Variants in ZNF564 observed in about 807,000 individuals in gnomAD.
The protein encoded by ZNF564 is zinc finger protein 564.
Under a neutral mutation model 10.5 loss-of-function variants are expected in ZNF564, and 5 were observed. That is an observed-to-expected ratio of 0.48 (90% confidence interval 0.25 to 1.00). The LOEUF is 1.00. ZNF564 is among the 50% of genes least tolerant of loss of function. ZNF564 has a pLI of 0.16. For missense variants in ZNF564, 603 were observed against 669.7 expected, an observed-to-expected ratio of 0.90 and a Z score of 1.10; for synonymous variants, 242 against 218.1, an observed-to-expected ratio of 1.11 and a Z score of -0.97.
chr19:12,546,411 C>T (rs866328222), intron 1 of ZNF564, among the ~76,000 whole-genome samples: 35 of 152,196 alleles, frequency 2.3e-4, no homozygotes, highest in African/African-American at 8.0e-4. Context: ...CTAATTTAGA[C>T]GTCCTTTATT....
intron 1 of ZNF564, chr19:12,548,859 T>C (rs550704252): frequency 1.0e-5 from 7 of 701,564 alleles, no homozygotes; most frequent in Admixed American, 2.0e-5. Context: ...ACAAAATCTC[T>C]ACCCTGCAAA....
At chr19:12,540,430 A>G (rs1311405492) in intron 1 of ZNF564, among the ~76,000 whole-genome samples, 1 of 152,206 alleles carries the variant, frequency 6.6e-6, no homozygotes, top group African/African-American at 2.4e-5. Flanking sequence ...CATTTAAAAG[A>G]GAGCATAGGG....
At chr19:12,535,441 T>G (rs899365893) in intron 1 of ZNF564, among the ~76,000 whole-genome samples, 1 of 152,098 alleles carries the variant, frequency 6.6e-6, no homozygotes. Context: ...ATACAATGTA[T>G]TACCAACTAT....
intron 1 of ZNF564, among the ~76,000 whole-genome samples, chr19:12,531,851 A>G (rs1463629737): frequency 6.6e-6 from 1 of 152,256 alleles, no homozygotes; most frequent in Admixed American, 6.5e-5. Flanking sequence ...TTGAATGTCA[A>G]TAGTCCAAAT....
intron 1 of ZNF564, among the ~76,000 whole-genome samples, chr19:12,545,284 A>G (rs946094439): frequency 6.7e-6 from 1 of 149,522 alleles, no homozygotes; most frequent in East Asian, 1.9e-4. Flanking sequence ...AAAAAAAAAG[A>G]AATGAGTGAG....
chr19:12,528,275 C>CA, intron 3 of ZNF564, 29 bp downstream of exon 3: 1 of 1,585,030 alleles, frequency 6.3e-7, no homozygotes, highest in Non-Finnish European at 8.6e-7. Context: ...AAGAAGGAGA[C>CA]ATTGCTTTAT....
At chr19:12,535,156 C>G (rs1005472754) in intron 1 of ZNF564, among the ~76,000 whole-genome samples, 1 of 151,732 alleles carries the variant, frequency 6.6e-6, no homozygotes, top group African/African-American at 2.4e-5. Context: ...GGAGGATCAC[C>G]TGAGGTCAGG....
chr19:12,547,930 G>A (rs553231936), intron 1 of ZNF564, among the ~76,000 whole-genome samples: 1 of 151,454 alleles, frequency 6.6e-6, no homozygotes, highest in Non-Finnish European at 1.5e-5. Flanking sequence ...TCCTGCCTCA[G>A]CCTCCCGAGT....
At chr19:12,546,454 T>C (rs1460486426) in intron 1 of ZNF564, among the ~76,000 whole-genome samples, 1 of 152,060 alleles carries the variant, frequency 6.6e-6, no homozygotes, top group Non-Finnish European at 1.5e-5. Context: ...GGCGGCTGGG[T>C]GCAGTGGCTC....
At position 12,526,216 on chromosome 19, in the gene ZNF564, A is replaced by T; in HGVS notation, c.*230T>A. ...TCAATATCACATCACTCAGATATGG[A>T]TGAGACTCAATTCATGCTGAGGCAA... On this transcript the variant is annotated 3_prime_UTR_variant, in exon 4 of 4. Transcript: ENST00000339282. 6.5e-6 allele frequency: 3 copies of T among 458,780 alleles called. No individual in the cohort carries two copies. Among genetic ancestry groups the T allele is most frequent in the Non-Finnish European group, 1.2e-5 (3 of 259,358 alleles). 28.4% of individuals were successfully genotyped at this position (458,780 alleles called of 1,614,324 possible).
intron 1 of ZNF564, among the ~76,000 whole-genome samples, chr19:12,547,782 G>A (rs985661623): frequency 6.6e-6 from 1 of 151,296 alleles, no homozygotes; most frequent in African/African-American, 2.4e-5. Context: ...TCAGACCTCT[G>A]CTTCCTTAGA....
intron 1 of ZNF564, among the ~76,000 whole-genome samples, chr19:12,545,850 C>T (rs762758771): frequency 1.1e-4 from 16 of 152,048 alleles, no homozygotes; most frequent in Non-Finnish European, 2.1e-4. Flanking sequence ...TTTTACACAA[C>T]TCAATCTCCA....
chr19:12,548,140 T>C, intron 1 of ZNF564: 1 of 982,268 alleles, frequency 1.0e-6, no homozygotes, highest in Non-Finnish European at 1.2e-6. Context: ...ATATCCTGTG[T>C]TTGAAGAATC....
intron 1 of ZNF564, among the ~76,000 whole-genome samples, chr19:12,535,568 G>A (rs142389662): frequency 7.5e-4 from 114 of 152,274 alleles, no homozygotes; most frequent in African/African-American, 2.5e-3. Context: ...TTTTAGGGCA[G>A]TGAAACTACC....
rs1398678536 is a variant in ZNF564 at position 12,528,831 on chromosome 19, A to G, written c.4-135T>C. On this transcript the variant is annotated intron_variant, in intron 1 of 3. Coordinates refer to ENST00000339282, the MANE Select transcript of ZNF564 (RefSeq NM_144976.4). ...GTAATCCCAGCACTTTGGGAGGCCA[A>G]GGCATACAGATCACCTGAGGTCAGG... 3 of 938,712 alleles carry G rather than the reference A, an allele frequency of 3.2e-6. No individual in the cohort carries two copies. The Admixed American group carries it at 8.4e-5, about 26-fold the overall frequency. 58.1% of individuals were successfully genotyped at this position (938,712 alleles called of 1,614,324 possible).
chr19:12,549,481 C>A (rs1249221389), intron 1 of ZNF564, among the ~76,000 whole-genome samples: 1 of 152,178 alleles, frequency 6.6e-6, no homozygotes, highest in African/African-American at 2.4e-5. Context: ...CTTTCAGGTT[C>A]TCGCACCATT....
At chr19:12,542,649 G>GA (rs138665448) in intron 1 of ZNF564, among the ~76,000 whole-genome samples, 3 of 146,452 alleles carry the variant, frequency 2.0e-5, no homozygotes, top group South Asian at 2.2e-4. Flanking sequence ...AAAGGGAAAG[G>GA]AAGAAAGAAA....
At chr19:12,531,156 T>C (rs2021791709) in intron 1 of ZNF564, among the ~76,000 whole-genome samples, 1 of 152,186 alleles carries the variant, frequency 6.6e-6, no homozygotes, top group South Asian at 2.1e-4. Flanking sequence ...CAACAAAAAG[T>C]TCTTCTCCAA....
At chr19:12,529,187 TTTAA>T (rs1395658008) in intron 1 of ZNF564, among the ~76,000 whole-genome samples, 1 of 152,196 alleles carries the variant, frequency 6.6e-6, no homozygotes, top group Non-Finnish European at 1.5e-5. Flanking sequence ...TTCTCATAAA[TTTAA>T]TTACCCCATG....
Sources: gnomAD v4.1 joint callset for allele counts (sites outside exome capture counted in the v4.1 genomes callset) on GRCh38, gnomAD v4.1.1 for gene constraint, MANE v1.5 for transcripts, NCBI Gene and HGNC (gene_info 2026-07-23, HGNC 2026-07-21) for gene names.